The following CACNA1E variants were observed in gnomAD, a reference collection of about 807,000 sequenced individuals.
The protein encoded by CACNA1E is voltage-dependent R-type calcium channel subunit alpha-1E.
Under a neutral mutation model 259.2 loss-of-function variants are expected in CACNA1E, and 40 were observed. The observed-to-expected ratio is 0.15, with a 90% CI of 0.12 to 0.20. The LOEUF is 0.20. CACNA1E is among the 10% of genes least tolerant of loss of function. The pLI, the probability that CACNA1E is intolerant of heterozygous loss-of-function variation, is 1.00. For missense variants in CACNA1E, 1,874 were observed against 3,040.1 expected, an observed-to-expected ratio of 0.62 and a Z score of 9.02; for synonymous variants, 1,104 against 1,138.5, an observed-to-expected ratio of 0.97 and a Z score of 0.61.
chr1:181,516,978 AC>A (rs572938832), intron 3 of CACNA1E, among the ~76,000 whole-genome samples: 38 of 151,882 alleles, frequency 2.5e-4, no homozygotes, highest in African/African-American at 9.2e-4. Context: ...CAAGGTCATC[AC>A]CCCAGGGCCT....
chr1:181,375,451 G>C (rs1482153621), intron 1 of CACNA1E, among the ~76,000 whole-genome samples: 1 of 152,200 alleles, frequency 6.6e-6, no homozygotes, highest in African/African-American at 2.4e-5. Context: ...GATAGAGTCT[G>C]CTAAGAGGAG....
intron 1 of CACNA1E, among the ~76,000 whole-genome samples, chr1:181,394,571 C>T (rs1423276223): frequency 6.6e-6 from 1 of 152,060 alleles, no homozygotes; most frequent in East Asian, 1.9e-4. Context: ...TAAACAAATA[C>T]AGCTTCTAAT....
intron 11 of CACNA1E, 117 bp from the exon 12 acceptor site, chr1:181,717,938 C>T: frequency 1.6e-6 from 1 of 620,934 alleles, no homozygotes; most frequent in Non-Finnish European, 2.9e-6. Context: ...CCTGATGTGG[C>T]CACCGAATGT....
rs936221272 is a variant in CACNA1E at position 181,807,155 on chromosome 1, G to A, written c.*8321G>A. ...AAAAAAAAAAAAAAGGAATAAAAAT[G>A]TTCTCTGCCTTGGATAACATTTTTT... On this transcript the variant is annotated 3_prime_UTR_variant, in exon 48 of 48. Coordinates refer to ENST00000367573, the MANE Select transcript of CACNA1E (RefSeq NM_001205293.3). The A allele has an allele frequency of 6.7e-6, 1 of 149,792 alleles. No individual in the cohort carries two copies. The highest frequency in any genetic ancestry group is 2.1e-4 in the South Asian group (1 of 4,710). 9.3% of individuals were successfully genotyped at this position (149,792 alleles called of 1,614,324 possible).
intron 1 of CACNA1E, among the ~76,000 whole-genome samples, chr1:181,500,285 A>G (rs566911513): frequency 6.6e-6 from 1 of 151,932 alleles, no homozygotes; most frequent in South Asian, 2.1e-4. Flanking sequence ...CATCCTTGAC[A>G]CTCCCCTGGG....
chr1:181,328,366 A>G (rs1237875904), intron 1 of CACNA1E, among the ~76,000 whole-genome samples: 7 of 152,164 alleles, frequency 4.6e-5, no homozygotes, highest in African/African-American at 1.7e-4. Flanking sequence ...TACCATTACA[A>G]TGGTGAATAG....
At chr1:181,488,373 G>C (rs1571995313) in intron 1 of CACNA1E, among the ~76,000 whole-genome samples, 1 of 152,360 alleles carries the variant, frequency 6.6e-6, no homozygotes, top group African/African-American at 2.4e-5. Flanking sequence ...AGATAATGCA[G>C]AGGGGTTCAT....
chr1:181,771,227 C>G, intron 35 of CACNA1E, 66 bp from the exon 36 acceptor site: 2 of 905,672 alleles, frequency 2.2e-6, no homozygotes, highest in Admixed American at 4.1e-5. Context: ...TTTGCCAACC[C>G]TCATGTGCTG....
At chr1:181,471,761 A>G (rs1187278021) in intron 2 of CACNA1E, among the ~76,000 whole-genome samples, 3 of 152,182 alleles carry the variant, frequency 2.0e-5, no homozygotes, top group Non-Finnish European at 4.4e-5. Context: ...TTTTTACATC[A>G]TCTATAATGC....
chr1:181,784,354 T>C (rs1381021341), intron 40 of CACNA1E, among the ~76,000 whole-genome samples: 1 of 152,188 alleles, frequency 6.6e-6, no homozygotes, highest in Non-Finnish European at 1.5e-5. Flanking sequence ...CTTGCGGCTA[T>C]TGTTATTTTC....
At chr1:181,668,526 G>C (rs570564966) in intron 7 of CACNA1E, among the ~76,000 whole-genome samples, 21 of 151,984 alleles carry the variant, frequency 1.4e-4, no homozygotes, top group Non-Finnish European at 2.8e-4. Flanking sequence ...GCAGTCGCTG[G>C]GCCATATGGT....
chr1:181,472,196 A>T (rs1662553378), intron 2 of CACNA1E, among the ~76,000 whole-genome samples: 1 of 120,830 alleles, frequency 8.3e-6, no homozygotes, highest in Admixed American at 1.0e-4. Flanking sequence ...AGGGAATGAA[A>T]CAGTGGTTAG....
intron 8 of CACNA1E, among the ~76,000 whole-genome samples, chr1:181,712,254 A>G (rs952415340): frequency 6.6e-6 from 1 of 152,172 alleles, no homozygotes; most frequent in Non-Finnish European, 1.5e-5. Context: ...TTATTATTTT[A>G]AAGGTTGGTT....
intron 3 of CACNA1E, among the ~76,000 whole-genome samples, chr1:181,566,426 T>C (rs1649829875): frequency 6.6e-6 from 1 of 152,252 alleles, no homozygotes; most frequent in African/African-American, 2.4e-5. Context: ...GACAGAGTTT[T>C]TCTCCATCTC....
At chr1:181,623,151 C>T (rs963470486) in intron 6 of CACNA1E, among the ~76,000 whole-genome samples, 1 of 152,164 alleles carries the variant, frequency 6.6e-6, no homozygotes, top group African/African-American at 2.4e-5. Flanking sequence ...ATTATGCAAC[C>T]CCTCAGTTAA....
chr1:181,528,802 C>T (rs1667551245), intron 3 of CACNA1E, among the ~76,000 whole-genome samples: 1 of 152,112 alleles, frequency 6.6e-6, no homozygotes, highest in African/African-American at 2.4e-5. Context: ...TTCTTAGCAG[C>T]AAAGCATTCA....
rs190382774 is a variant in CACNA1E, at chr1:181,446,364, C to T, written c.434+32784C>T. Among the ~76,000 whole-genome samples, 171 of 152,322 alleles carry T rather than the reference C, an allele frequency of 1.1e-3. 1 individual carries two copies. The highest frequency in any genetic ancestry group is 4.2e-3 in the Admixed American group (64 of 15,294). On this transcript the variant is annotated intron_variant, in intron 2 of 11. Transcript: ENST00000524607. ...GGTGCCAAGGGTTTCATTCTGAGCACGTCAGCATACAGTCGGCCTAATGGA... is the reference window on the plus strand; with the variant it reads ...GGTGCCAAGGGTTTCATTCTGAGCATGTCAGCATACAGTCGGCCTAATGGA...
intron 6 of CACNA1E, among the ~76,000 whole-genome samples, chr1:181,614,275 A>G (rs904712091): frequency 1.3e-5 from 2 of 152,142 alleles, no homozygotes; most frequent in Non-Finnish European, 2.9e-5. Flanking sequence ...AGGTAGCCAC[A>G]GCTGTAGGCC....
intron 26 of CACNA1E, among the ~76,000 whole-genome samples, chr1:181,751,637 G>A (rs1657607269): frequency 6.6e-6 from 1 of 152,220 alleles, no homozygotes; most frequent in African/African-American, 2.4e-5. Context: ...CTAGTGCCCT[G>A]ATGAGACTTG....
Sources: allele counts gnomAD v4.1 joint callset (sites outside exome capture counted in the v4.1 genomes callset), GRCh38; gene constraint gnomAD v4.1.1; transcripts MANE v1.5; gene names NCBI Gene and HGNC (gene_info 2026-07-23, HGNC 2026-07-21).